PCDHGC4: variants seen among roughly 807,000 people sequenced by gnomAD.
The protein encoded by PCDHGC4 is protocadherin gamma-C4.
A neutral mutation model predicts 59.7 loss-of-function variants in PCDHGC4; 15 were observed. The observed-to-expected ratio is 0.25, with a 90% CI of 0.17 to 0.39. The LOEUF (loss-of-function observed/expected upper bound fraction) is 0.39. PCDHGC4 is among the 10% of genes least tolerant of loss of function. PCDHGC4 has a pLI of 1.00. For synonymous variants in PCDHGC4, 434 were observed against 481.4 expected (o/e 0.90, Z 1.29); for missense variants, 1,016 against 1,189.5 (o/e 0.85, Z 2.15).
intron 1 of PCDHGC4, 97 bp from the exon 2 acceptor site, chr5:141,494,710 C>G: frequency 6.2e-7 from 1 of 1,600,966 alleles, no homozygotes; most frequent in Admixed American, 1.7e-5. Context: ...TCTCTGTGCC[C>G]ACTCCCCTCC....
chr5:141,499,921 C>A, intron 2 of PCDHGC4, among the ~76,000 whole-genome samples: 1 of 152,128 alleles, frequency 6.6e-6, no homozygotes, highest in Middle Eastern at 3.2e-3. Context: ...CTCCTGGCCT[C>A]AAGTGATCCA....
At chr5:141,499,908 G>T (rs903753761) in intron 2 of PCDHGC4, among the ~76,000 whole-genome samples, 1 of 151,980 alleles carries the variant, frequency 6.6e-6, no homozygotes, top group African/African-American at 2.4e-5. Flanking sequence ...GGCTGGTCTT[G>T]AACTCCTGGC....
Position 141,489,140 on chromosome 5 carries a change from G to A in PCDHGC4, c.2442+1525G>A. ...CCTCCGAGCAGTTTTTAAGAGGCTG[G>A]AAGGAGACATAAGAGACTTCAGCTG... is the stretch of plus-strand genomic sequence containing the variant. On this transcript the variant is annotated intron_variant, in intron 1 of 3. Transcript: ENST00000306593. The surrounding 1 kb of genome is among the most constrained non-coding windows in gnomAD (Gnocchi z 4.5). The A allele has an allele frequency of 1.2e-6, 1 of 841,390 alleles. No individual in the cohort carries two copies. Among genetic ancestry groups the A allele is most frequent in the South Asian group, 2.1e-5 (1 of 47,082 alleles). The allele number at this position is 841,390 out of a possible 1,614,324, so 52.1% of individuals were successfully genotyped here.
At position 141,486,821 on chromosome 5, in the gene PCDHGC4, A is replaced by T. The variant is rs756652952; in HGVS notation, c.1648A>T (p.Thr550Ser). Residue 550 changes from threonine (T) to serine (S), a missense_variant, in exon 1 of 4, where the codon ACA becomes TCA. Thr to Ser is a moderately conservative substitution (Grantham distance 58, BLOSUM62 1). Transcript: ENST00000306593. The surrounding 1 kb of genome is among the most constrained non-coding windows in gnomAD (Gnocchi z 5.0). ...CAACCCACCCCTTAGCAGCACTGTA[A>T]CAGTTCGTCTATTTGTGCTGGACCT... ...RGNPPLSSTVTVRLFVLDLND... is the reference protein window; with the variant it reads ...RGNPPLSSTVSVRLFVLDLND... 36 of 1,614,116 alleles carry T rather than the reference A, an allele frequency of 2.2e-5. No individual in the cohort carries two copies. In the South Asian group the frequency reaches 3.4e-4, roughly 15 times the overall value.
At position 141,489,963 on chromosome 5, in the gene PCDHGC4, C is replaced by A. The variant is rs779260164; in HGVS notation, c.2442+2348C>A. On this transcript the variant is annotated intron_variant, in intron 1 of 3. Coordinates refer to ENST00000306593, the MANE Select transcript of PCDHGC4 (RefSeq NM_018928.3). This position sits in a 1 kb window ranked among gnomAD's most constrained non-coding sequence, Gnocchi z 4.5. Reference sequence around the variant, plus strand: ...TGGACATCAATGATAATGCTCCAACCTTCCAATCCTCAGTTCTACGTGTGG... The same window carrying A: ...TGGACATCAATGATAATGCTCCAACATTCCAATCCTCAGTTCTACGTGTGG... The A allele has an allele frequency of 8.1e-6, 13 of 1,614,184 alleles. No homozygotes were observed. In the East Asian group the frequency reaches 2.2e-4, roughly 28 times the overall value.
At chr5:141,510,238 A>C (rs2099880007) in intron 3 of PCDHGC4, among the ~76,000 whole-genome samples, 1 of 149,340 alleles carries the variant, frequency 6.7e-6, no homozygotes, top group Non-Finnish European at 1.5e-5. Flanking sequence ...GCGCCACTGC[A>C]CTCCAGGCTG....
Position 141,487,071 on chromosome 5 carries a change from C to A in PCDHGC4, c.1898C>A (p.Pro633His). Residue 633 changes from proline (P) to histidine (H), a missense_variant, in exon 1 of 4, where the codon CCT (proline) becomes CAT (histidine). By Grantham distance (77) the Pro-to-His change is moderately conservative. Coordinates refer to ENST00000306593, the MANE Select transcript of PCDHGC4 (RefSeq NM_018928.3). The surrounding 1 kb of genome is among the most constrained non-coding windows in gnomAD (Gnocchi z 5.0). ...GCTGGGGAGGTGCGGACGGCTGTTC[C>A]TATCCCAGCTGACCTCCCACCACAG... is the stretch of plus-strand genomic sequence containing the variant. ...RYAGEVRTAV[P>H]IPADLPPQKL... The A allele has an allele frequency of 6.2e-7, 1 of 1,614,148 alleles. No individual in the cohort carries two copies. Among genetic ancestry groups the A allele is most frequent in the Non-Finnish European group, 8.5e-7 (1 of 1,180,002 alleles).
chr5:141,505,072 G>A (rs1374916789), intron 2 of PCDHGC4, among the ~76,000 whole-genome samples: 1 of 152,228 alleles, frequency 6.6e-6, no homozygotes. Context: ...TGAGGCAGGA[G>A]AATCGCTTGA....
chr5:141,504,583 A>C (rs1230825472), intron 2 of PCDHGC4, among the ~76,000 whole-genome samples: 5 of 146,622 alleles, frequency 3.4e-5, no homozygotes, highest in Non-Finnish European at 7.4e-5. Context: ...CCATCTGCCC[A>C]GGATTCACAG....
chr5:141,494,909 T>G (rs764123148), intron 2 of PCDHGC4, 44 bp downstream of exon 2: 1 of 1,614,042 alleles, frequency 6.2e-7, no homozygotes, highest in Admixed American at 1.7e-5. Flanking sequence ...CTGCGGCATT[T>G]TCTCAGGGAT....
chr5:141,505,270 G>A (rs550800630), intron 2 of PCDHGC4, 123 bp from the exon 3 acceptor site: 103 of 1,520,724 alleles, frequency 6.8e-5, no homozygotes, highest in Middle Eastern at 4.6e-4. Context: ...CTTGCTGAGA[G>A]AAACAGGTCT....
At position 141,486,121 on chromosome 5, in the gene PCDHGC4, T is replaced by C. The variant is rs371827617; in HGVS notation, c.948T>C (p.Tyr316=). 5.6e-6 allele frequency: 9 copies of C among 1,614,086 alleles called. No individual in the cohort carries two copies. The highest frequency in any genetic ancestry group is 2.2e-5 in the South Asian group (2 of 91,082). ...TAGACTTTGAGAGTGAGAATTACTATGAATTTGATGTGCGGGCTCGCGATG... is the reference window on the plus strand; with the variant it reads ...TAGACTTTGAGAGTGAGAATTACTACGAATTTGATGTGCGGGCTCGCGATG... ...GPLDFESENY[Y]EFDVRARDGG... The change falls in exon 1 of 4, where the codon TAT becomes TAC. Residue 316 remains tyrosine (Y), a synonymous_variant. Coordinates refer to ENST00000306593, the MANE Select transcript of PCDHGC4 (RefSeq NM_018928.3). This position sits in a 1 kb window ranked among gnomAD's most constrained non-coding sequence, Gnocchi z 5.0.
At position 141,486,141 on chromosome 5, in the gene PCDHGC4, G is replaced by A. The variant is rs369317501; in HGVS notation, c.968G>A (p.Arg323His). 28 of 1,614,066 alleles carry A rather than the reference G, an allele frequency of 1.7e-5. No homozygotes were observed. The highest frequency in any genetic ancestry group is 2.3e-5 in the Non-Finnish European group (27 of 1,180,044). The change falls in exon 1 of 4, where the codon CGC becomes CAC. Residue 323 changes from arginine (R) to histidine (H), a missense_variant. By Grantham distance (29) the Arg-to-His change is conservative. Transcript: ENST00000306593. This position sits in a 1 kb window ranked among gnomAD's most constrained non-coding sequence, Gnocchi z 5.0. ...TACTATGAATTTGATGTGCGGGCTC[G>A]CGATGGGGGTTCTCCAGCCATGGAG... ...ENYYEFDVRA[R>H]DGGSPAMEQH... is the part of the protein sequence containing the mutation.
rs1431906047 is a variant in PCDHGC4, at chr5:141,485,858, C to T, written c.685C>T (p.Arg229Trp). Residue 229 changes from arginine (R) to tryptophan (W), a missense_variant, in exon 1 of 4, where the codon CGG (arginine) becomes TGG (tryptophan). Transcript: ENST00000306593. This position sits in a 1 kb window ranked among gnomAD's most constrained non-coding sequence, Gnocchi z 5.7. The part of the protein sequence containing the change: ...NPPRSGTAEL[R>W]VSVLDVNDNA... ...GCCGAGATCTGGCACCGCAGAGCTC[C>T]GGGTATCCGTGCTGGACGTAAACGA... The T allele has an allele frequency of 1.9e-6, 3 of 1,614,162 alleles. No individual in the cohort carries two copies. The highest frequency in any genetic ancestry group is 2.5e-6 in the Non-Finnish European group (3 of 1,180,028).
intron 1 of PCDHGC4, among the ~76,000 whole-genome samples, chr5:141,488,236 T>A (rs1333427955): frequency 6.6e-6 from 1 of 152,154 alleles, no homozygotes; most frequent in Admixed American, 6.5e-5. Context: ...TTGAACTAGA[T>A]GCGGTAAATT....
chr5:141,486,189 A>T lies in PCDHGC4; in HGVS notation c.1016A>T (p.Asp339Val), dbSNP rs761466492. 6.2e-7 allele frequency: 1 copy of T among 1,614,062 alleles called. No individual in the cohort carries two copies. Among genetic ancestry groups the T allele is most frequent in the Non-Finnish European group, 8.5e-7 (1 of 1,179,994 alleles). ...GAGCAACATTGCAGCCTTCGAGTGG[A>T]TCTGCTGGACGTAAATGACAATGCC... is the stretch of plus-strand genomic sequence containing the variant. ...AMEQHCSLRVDLLDVNDNAPY... is the reference protein window; with the variant it reads ...AMEQHCSLRVVLLDVNDNAPY... The change falls in exon 1 of 4, where the codon GAT (aspartate) becomes GTT (valine). Residue 339 changes from aspartate to valine, a missense_variant. Coordinates refer to ENST00000306593, the MANE Select transcript of PCDHGC4 (RefSeq NM_018928.3). The surrounding 1 kb of genome is among the most constrained non-coding windows in gnomAD (Gnocchi z 5.0).
intron 2 of PCDHGC4, among the ~76,000 whole-genome samples, chr5:141,497,213 G>A (rs1313220474): frequency 6.6e-6 from 1 of 152,126 alleles, no homozygotes; most frequent in Non-Finnish European, 1.5e-5. Flanking sequence ...GTGTAATGGG[G>A]GGGGGAAGAT....
intron 1 of PCDHGC4, 157 bp from the exon 2 acceptor site, chr5:141,494,650 T>G (rs1366776271): frequency 1.0e-6 from 1 of 960,138 alleles, no homozygotes; most frequent in East Asian, 1.1e-4. Context: ...CTGAGGTGTA[T>G]TTTGTCTTTG....
intron 2 of PCDHGC4, among the ~76,000 whole-genome samples, chr5:141,498,397 G>A (rs1019408022): frequency 1.3e-5 from 2 of 152,136 alleles, no homozygotes; most frequent in African/African-American, 4.8e-5. Flanking sequence ...GAATGGCAGG[G>A]AGTTTTCTCT....
Sources: gnomAD v4.1 joint callset for allele counts (sites outside exome capture counted in the v4.1 genomes callset) on GRCh38, gnomAD v4.1.1 for gene constraint, Gnocchi (gnomAD v3.1) non-coding constraint, MANE v1.5 for transcripts, NCBI Gene and HGNC (gene_info 2026-07-23, HGNC 2026-07-21) for gene names.